Variants in PTPDC1 observed in about 807,000 individuals in gnomAD.
The protein encoded by PTPDC1 is protein tyrosine phosphatase domain containing 1.
Under a neutral mutation model 75.3 loss-of-function variants are expected in PTPDC1, and 53 were observed. That is an observed-to-expected ratio of 0.70 (90% CI 0.56 to 0.88). PTPDC1 has a LOEUF of 0.88. Ranked by LOEUF, PTPDC1 falls within the 40% of genes least tolerant of loss-of-function variation. The pLI, the probability that PTPDC1 is intolerant of heterozygous loss-of-function variation, is 0.00. For missense variants in PTPDC1, 925 were observed against 998.6 expected (o/e 0.93, Z 0.99); for synonymous variants, 349 against 366.2 (o/e 0.95, Z 0.54).
At chr9:94,086,326 G>A (rs1827072689) in intron 2 of PTPDC1, among the ~76,000 whole-genome samples, 1 of 152,182 alleles carries the variant, frequency 6.6e-6, no homozygotes, top group Admixed American at 6.5e-5. Context: ...TTCTAATAAT[G>A]TAGCTTAGGT....
At chr9:94,041,644 T>A (rs1587837906) in intron 1 of PTPDC1, among the ~76,000 whole-genome samples, 1 of 152,240 alleles carries the variant, frequency 6.6e-6, no homozygotes, top group East Asian at 1.9e-4. Flanking sequence ...ATTTTGTTAC[T>A]CAAATTGTTT....
At chr9:94,088,004 A>C (rs1827138813) in intron 3 of PTPDC1, 93 bp downstream of exon 3, 5 of 1,459,482 alleles carry the variant, frequency 3.4e-6, no homozygotes, top group Middle Eastern at 1.8e-4. Flanking sequence ...CTTTCATTTT[A>C]ACAATAGGCA....
intron 1 of PTPDC1, among the ~76,000 whole-genome samples, chr9:94,037,075 G>A (rs1825295042): frequency 6.6e-6 from 1 of 152,158 alleles, no homozygotes; most frequent in African/African-American, 2.4e-5. Flanking sequence ...TCTAGGTAAT[G>A]TTAGCTTTCA....
At chr9:94,090,505 A>G (rs1261623451) in intron 4 of PTPDC1, among the ~76,000 whole-genome samples, 1 of 127,264 alleles carries the variant, frequency 7.9e-6, no homozygotes, top group Non-Finnish European at 1.6e-5. Flanking sequence ...GTTTGAAGTC[A>G]GGTAGTGTGA....
At chr9:94,044,649 A>G (rs1306599652) in intron 1 of PTPDC1, among the ~76,000 whole-genome samples, 1 of 152,000 alleles carries the variant, frequency 6.6e-6, no homozygotes, top group Non-Finnish European at 1.5e-5. Context: ...TTCTGCATCC[A>G]TGGACAACCA....
chr9:94,098,436 G>C lies in PTPDC1; in HGVS notation c.1870G>C (p.Asp624His), dbSNP rs764475812. 1.7e-5 allele frequency: 28 copies of C among 1,614,096 alleles called. No individual in the cohort carries two copies. The highest frequency in any genetic ancestry group is 2.2e-5 in the East Asian group (1 of 44,894). The change falls in exon 6 of 9, where the codon GAT becomes CAT. Residue 624 changes from aspartate to histidine, a missense_variant. Physicochemically the swap from Asp to His is moderately conservative, Grantham distance 81. Transcript: ENST00000620992. ...LVEHETQDSK[D>H]LSEAASHSAL... ...TGAACATGAAACCCAGGACAGTAAA[G>C]ATCTGTCTGAAGCAGCTTCACACTC...
intron 1 of PTPDC1, among the ~76,000 whole-genome samples, chr9:94,058,759 C>T (rs1405437523): frequency 1.3e-5 from 2 of 151,756 alleles, no homozygotes; most frequent in Non-Finnish European, 2.9e-5. Flanking sequence ...GAGGCCCAGG[C>T]GGGTAAATCA....
chr9:94,070,930 A>G (rs1564020250), intron 2 of PTPDC1, among the ~76,000 whole-genome samples: 1 of 152,138 alleles, frequency 6.6e-6, no homozygotes, highest in Non-Finnish European at 1.5e-5. Context: ...GGGTGTCTGG[A>G]TTCTTTCCAG....
At position 94,084,544 on chromosome 9, in the gene PTPDC1, A is replaced by T. The variant is rs772712878; in HGVS notation, c.14A>T (p.Asp5Val). The T allele has an allele frequency of 6.2e-6, 10 of 1,611,742 alleles. No individual in the cohort carries two copies. Among genetic ancestry groups the T allele is most frequent in the Non-Finnish European group, 7.6e-6 (9 of 1,179,994 alleles). The change falls in exon 1 of 9, where the codon GAT (aspartate) becomes GTT (valine). Residue 5 changes from aspartate (D) to valine (V), a missense_variant. Physicochemically the swap from Asp to Val is radical, Grantham distance 152. Transcript: ENST00000620992. ...CCTCCCAGTGCCATGCAGGTGCAGG[A>T]TGCAACCAGGCGGCCCTCAGCCGTG... MQVQ[D>V]ATRRPSAVRF... is the part of the protein sequence containing the mutation.
At chr9:94,095,612 G>A (rs1827535441) in intron 5 of PTPDC1, among the ~76,000 whole-genome samples, 158 bp downstream of exon 5, 1 of 152,142 alleles carries the variant, frequency 6.6e-6, no homozygotes, top group Admixed American at 6.5e-5. Flanking sequence ...CCACTGTAGG[G>A]TGTCTATAGT....
At chr9:94,056,437 C>G (rs1374652144) in intron 1 of PTPDC1, among the ~76,000 whole-genome samples, 1 of 152,164 alleles carries the variant, frequency 6.6e-6, no homozygotes, top group Non-Finnish European at 1.5e-5. Context: ...CCTCTTACGT[C>G]AGAATGACCT....
chr9:94,093,779 A>G (rs913992550), intron 4 of PTPDC1, among the ~76,000 whole-genome samples: 1 of 143,672 alleles, frequency 7.0e-6, no homozygotes, highest in African/African-American at 2.6e-5. Context: ...GGCTTTGCTC[A>G]TTTCTTTTTA....
At chr9:94,046,460 A>T (rs1301330790) in intron 1 of PTPDC1, among the ~76,000 whole-genome samples, 3 of 152,104 alleles carry the variant, frequency 2.0e-5, no homozygotes, top group African/African-American at 7.2e-5. Flanking sequence ...CACGATATTG[A>T]TTCTTCCTAC....
At chr9:94,071,671 A>ATG (rs1439146327) in intron 2 of PTPDC1, among the ~76,000 whole-genome samples, 1 of 152,182 alleles carries the variant, frequency 6.6e-6, no homozygotes, top group Non-Finnish European at 1.5e-5. Flanking sequence ...TACTGTAGTT[A>ATG]TGTAATAGGC....
In PTPDC1 at chr9:94,107,925, G is replaced by T. The variant is rs777021224; in HGVS notation, c.2408G>T (p.Gly803Val). ...GAAAAAAGAAAAATGACAAAAGATG[G>T]CCCTAAGCCTGGCCTCTAGCTTTCA... ...LEEKRKMTKD[G>V]PKPGL Residue 803 changes from glycine (G) to valine (V), a missense_variant, in exon 9 of 9, where the codon GGC becomes GTC. Transcript: ENST00000620992. The T allele has an allele frequency of 3.8e-6, 6 of 1,596,762 alleles. No individual in the cohort carries two copies. Among genetic ancestry groups the T allele is most frequent in the South Asian group, 2.3e-5 (2 of 88,662 alleles).
intron 2 of PTPDC1, 27 bp downstream of exon 2, chr9:94,085,449 G>T (rs756573386): frequency 6.2e-7 from 1 of 1,612,674 alleles, no homozygotes; most frequent in East Asian, 2.2e-5. Flanking sequence ...GTCTTTCATA[G>T]CTCTGTTGGA....
intron 2 of PTPDC1, among the ~76,000 whole-genome samples, chr9:94,067,626 CTT>C (rs1290207229): frequency 6.6e-6 from 1 of 152,040 alleles, no homozygotes; most frequent in Non-Finnish European, 1.5e-5. Flanking sequence ...GCTTCAATCT[CTT>C]TTCTTTTTTG....
At chr9:94,050,294 T>A (rs1234809852) in intron 1 of PTPDC1, among the ~76,000 whole-genome samples, 3 of 152,194 alleles carry the variant, frequency 2.0e-5, no homozygotes, top group African/African-American at 4.8e-5. Context: ...GGCGCTCTGA[T>A]TTTTAGAGTT....
exon 1 of PTPDC1, chr9:94,031,064 C>T (rs529712610): frequency 4.6e-5 from 7 of 152,264 alleles, no homozygotes; most frequent in Non-Finnish European, 8.8e-5. Flanking sequence ...CGACTTGTGA[C>T]ACGGACGGCG....
Sources: gnomAD v4.1 joint callset for allele counts (sites outside exome capture counted in the v4.1 genomes callset) on GRCh38, gnomAD v4.1.1 for gene constraint, MANE v1.5 for transcripts, NCBI Gene and HGNC (gene_info 2026-07-23, HGNC 2026-07-21) for gene names.